GPR85: variants seen among roughly 807,000 people sequenced by gnomAD.
GPR85 encodes G protein-coupled receptor 85.
A neutral mutation model predicts 21.3 loss-of-function variants in GPR85; 7 were observed. The ratio of observed to expected loss-of-function variants is 0.33; its 90% CI spans 0.19 to 0.62. The LOEUF (loss-of-function observed/expected upper bound fraction) is 0.62. GPR85 is among the 20% of genes least tolerant of loss of function. The pLI, the probability that GPR85 is intolerant of heterozygous loss-of-function variation, is 0.80. For missense variants in GPR85, 299 were observed against 443.8 expected (o/e 0.67, Z 2.93); for synonymous variants, 167 against 166.1 (o/e 1.01, Z -0.04).
At position 113,083,925 on chromosome 7, in the gene GPR85, G is replaced by A; in HGVS notation, c.797C>T (p.Thr266Ile). 1 of 1,614,126 alleles carries A rather than the reference G, an allele frequency of 6.2e-7. No homozygotes were observed. The highest frequency in any genetic ancestry group is 8.5e-7 in the Non-Finnish European group (1 of 1,179,988). The change falls in exon 3 of 3, where the codon ACA (threonine) becomes ATA (isoleucine). Residue 266 changes from threonine (T) to isoleucine (I), a missense_variant. Transcript: ENST00000424100. This position sits in a 1 kb window ranked among gnomAD's most constrained non-coding sequence, Gnocchi z 4.4. ...LLGIRQNANTTGRRRLLVLDE... is the reference protein window; with the variant it reads ...LLGIRQNANTIGRRRLLVLDE... Reference sequence around the variant, plus strand: ...TAAGACCAATAGCCTTCTTCTGCCTGTGGTGTTTGCATTTTGCCTGATGCC... The same window carrying A: ...TAAGACCAATAGCCTTCTTCTGCCTATGGTGTTTGCATTTTGCCTGATGCC...
rs1281239863 is a variant in GPR85, at chr7:113,084,194, G to A, written c.528C>T (p.His176=). Residue 176 remains histidine, a synonymous_variant, in exon 3 of 3, where the codon CAC becomes CAT. Transcript: ENST00000424100. ...AGGAATCATTAGCCCTGAAGGAGCG[G>A]TGTTGGAAGGTGCATTGATCTTCCT... is the stretch of plus-strand genomic sequence containing the variant. ...IREEDQCTFQ[H]RSFRANDSLG... 1.5e-5 allele frequency: 24 copies of A among 1,614,090 alleles called. No homozygotes were observed. The highest frequency in any genetic ancestry group is 1.9e-5 in the Non-Finnish European group (23 of 1,179,996).
chr7:113,085,007 A>T (rs777498181), intron 2 of GPR85, 116 bp from the exon 3 acceptor site: 5 of 291,236 alleles, frequency 1.7e-5, no homozygotes, highest in Non-Finnish European at 2.6e-5. Context: ...AATTTTGAAT[A>T]CTAATATTTG....
At position 113,084,630 on chromosome 7, in the gene GPR85, A is replaced by G; in HGVS notation, c.92T>C (p.Ile31Thr). 2 of 1,613,454 alleles carry G rather than the reference A, an allele frequency of 1.2e-6. No homozygotes were observed. Among genetic ancestry groups the G allele is most frequent in the East Asian group, 2.2e-5 (1 of 44,882 alleles). The change falls in exon 3 of 3, where the codon ATA (isoleucine) becomes ACA (threonine). Residue 31 changes from isoleucine to threonine, a missense_variant. Coordinates refer to ENST00000424100, the MANE Select transcript of GPR85 (RefSeq NM_001146267.2). ...GAGGTTGCCCACCACGCTGACTCCTATTATGAAACCCAAGGAAGTCAGTTT... is the reference window on the plus strand; with the variant it reads ...GAGGTTGCCCACCACGCTGACTCCTGTTATGAAACCCAAGGAAGTCAGTTT... ...FLKLTSLGFI[I>T]GVSVVGNLLI... is the part of the protein sequence containing the mutation.
Position 113,082,423 on chromosome 7 carries a change from A to G in GPR85, c.*1186T>C, listed in dbSNP as rs1794161889. ...AGTTAAAACTGAAATAATTTAAATT[A>G]CCAATACACTGAATGTGCAGAAAGT... On this transcript the variant is annotated 3_prime_UTR_variant, in exon 3 of 3. Transcript: ENST00000424100. 6.6e-6 allele frequency: 1 copy of G among 152,608 alleles called. No homozygotes were observed. The highest frequency in any genetic ancestry group is 1.5e-5 in the Non-Finnish European group (1 of 68,022). 9.5% of individuals were successfully genotyped at this position (152,608 alleles called of 1,614,324 possible). A position where few individuals can be genotyped will look rare whatever the true frequency, so the allele number is the denominator to read the frequency against.
At position 113,086,396 on chromosome 7, in the gene GPR85, C is replaced by CTTTTTTTTTTTTTTTTCTTTTTTTT. The variant is rs1794283303; in HGVS notation, c.-364_-363insAAAAAAAAGAAAAAAAAAAAAAAAA. 2.1e-5 allele frequency: 1 copy of CTTTTTTTTTTTTTTTTCTTTTTTTT among 48,066 alleles called. No homozygotes were observed. Among genetic ancestry groups the CTTTTTTTTTTTTTTTTCTTTTTTTT allele is most frequent in the Non-Finnish European group, 3.6e-5 (1 of 28,132 alleles). The allele number at this position is 48,066 out of a possible 1,614,324, so 3.0% of individuals were successfully genotyped here. A position where few individuals can be genotyped will look rare whatever the true frequency, so the allele number is the denominator to read the frequency against. On this transcript the variant is annotated 5_prime_UTR_variant, in exon 1 of 3. An upstream open reading frame in the 5' UTR loses its in-frame stop. Coordinates refer to ENST00000424100, the MANE Select transcript of GPR85 (RefSeq NM_001146267.2). The stretch of plus-strand genomic sequence containing the variant: ...CTGATTTTTTTCTTTTTTTCTTTTT[C>CTTTTTTTTTTTTTTTTCTTTTTTTT]TTTTTTTTTTTTTTTTTTTTGTTTT...
chr7:113,083,072 C>T lies in GPR85; in HGVS notation c.*537G>A, dbSNP rs149873045. ...GGAATGCTCCCCAGAACTTACAAGG[C>T]GGTTTTTAAAGTGTGATATTCCAAT... On this transcript the variant is annotated 3_prime_UTR_variant, in exon 3 of 3. Transcript: ENST00000424100. The surrounding 1 kb of genome is among the most constrained non-coding windows in gnomAD (Gnocchi z 4.4). 4.1e-4 allele frequency: 63 copies of T among 152,922 alleles called. 1 individual carries two copies. The highest frequency in any genetic ancestry group is 6.0e-4 in the African/African-American group (25 of 41,558). 9.5% of individuals were successfully genotyped at this position (152,922 alleles called of 1,614,324 possible).
chr7:113,087,697 A>G (rs568878572), upstream of GPR85: 1 of 152,842 alleles, frequency 6.5e-6, no homozygotes, highest in African/African-American at 2.4e-5. Context: ...CTGTTAATGA[A>G]ACAAAAAATA....
chr7:113,085,322 C>T (rs1046646287), intron 2 of GPR85, among the ~76,000 whole-genome samples: 3 of 152,102 alleles, frequency 2.0e-5, no homozygotes, highest in Non-Finnish European at 2.9e-5. Flanking sequence ...CCAAAGAACC[C>T]GTGCAAAATA....
Position 113,086,417 on chromosome 7 carries a change from G to GTTTTTTTTT in GPR85, c.-385_-384insAAAAAAAAA, listed in dbSNP as rs1794296050. ...TTTTCTTTTTTTTTTTTTTTTTTTT[G>GTTTTTTTTT]TTTTTTGTTTTTTTTTTTTTTTTTT... is the stretch of plus-strand genomic sequence containing the variant. On this transcript the variant is annotated 5_prime_UTR_variant, in exon 1 of 3. Coordinates refer to ENST00000424100, the MANE Select transcript of GPR85 (RefSeq NM_001146267.2). 16 of 66,648 alleles carry GTTTTTTTTT rather than the reference G, an allele frequency of 2.4e-4. No individual in the cohort carries two copies. The highest frequency in any genetic ancestry group is 0.015 in the Middle Eastern group (1 of 68). The allele number at this position is 66,648 out of a possible 1,614,324, so 4.1% of individuals were successfully genotyped here.
Position 113,083,921 on chromosome 7 carries a change from G to A in GPR85, c.801C>T (p.Gly267=). ...CGTCTAAGACCAATAGCCTTCTTCT[G>A]CCTGTGGTGTTTGCATTTTGCCTGA... ...LGIRQNANTT[G]RRRLLVLDEF... The change falls in exon 3 of 3, where the codon GGC becomes GGT. Residue 267 remains glycine, a synonymous_variant. Transcript: ENST00000424100. The surrounding 1 kb of genome is among the most constrained non-coding windows in gnomAD (Gnocchi z 4.4). The A allele has an allele frequency of 1.2e-6, 2 of 1,614,074 alleles. No individual in the cohort carries two copies. The highest frequency in any genetic ancestry group is 2.2e-5 in the South Asian group (2 of 91,072).
At chr7:113,086,864 C>T (rs1794319496), upstream of GPR85, among the ~76,000 whole-genome samples, 1 of 151,702 alleles carries the variant, frequency 6.6e-6, no homozygotes, top group African/African-American at 2.4e-5. Flanking sequence ...CCTCAGCTTC[C>T]CGGAACCCTA....
rs1794292306 is a variant in GPR85, at chr7:113,086,408, T to TTTTTTTTG, written c.-376_-375insCAAAAAAA. 7 of 94,250 alleles carry TTTTTTTTG rather than the reference T, an allele frequency of 7.4e-5. No homozygotes were observed. Among genetic ancestry groups the TTTTTTTTG allele is most frequent in the African/African-American group, 1.8e-4 (4 of 22,244 alleles). 5.8% of individuals were successfully genotyped at this position (94,250 alleles called of 1,614,324 possible). A position where few individuals can be genotyped will look rare whatever the true frequency, so the allele number is the denominator to read the frequency against. Reference sequence around the variant, plus strand: ...TTTTTTTCTTTTTCTTTTTTTTTTTTTTTTTTTTGTTTTTTGTTTTTTTTT... The same window carrying TTTTTTTTG: ...TTTTTTTCTTTTTCTTTTTTTTTTTTTTTTTTTGTTTTTTTTGTTTTTTGTTTTTTTTT... On this transcript the variant is annotated 5_prime_UTR_variant, in exon 1 of 3. The change abolishes the stop of an existing upstream ORF in the 5' untranslated region. Coordinates refer to ENST00000424100, the MANE Select transcript of GPR85 (RefSeq NM_001146267.2).
rs1389657760 is a variant in GPR85, at chr7:113,084,609, T to C, written c.113A>G (p.Asn38Ser). The change falls in exon 3 of 3, where the codon AAC becomes AGC. Residue 38 changes from asparagine (N) to serine (S), a missense_variant. Asn to Ser is a conservative substitution (Grantham distance 46, BLOSUM62 1). Around this residue, in one of 2 missense-constraint regions of GPR85, gnomAD observed 101 missense variants for 108.4 expected, o/e 0.93. Transcript: ENST00000424100. ...GFIIGVSVVG[N>S]LLISILLVKD... ...CACTAGCAAAATGGAGATCAGGAGGTTGCCCACCACGCTGACTCCTATTAT... is the reference window on the plus strand; with the variant it reads ...CACTAGCAAAATGGAGATCAGGAGGCTGCCCACCACGCTGACTCCTATTAT... 15 of 1,613,530 alleles carry C rather than the reference T, an allele frequency of 9.3e-6. No individual in the cohort carries two copies. The highest frequency in any genetic ancestry group is 1.1e-5 in the Non-Finnish European group (13 of 1,179,606).
rs1794196373 is a variant in GPR85, at chr7:113,083,711, A to G, written c.1011T>C (p.Phe337=). 2 of 1,614,130 alleles carry G rather than the reference A, an allele frequency of 1.2e-6. No homozygotes were observed. Among genetic ancestry groups the G allele is most frequent in the Admixed American group, 1.7e-5 (1 of 60,012 alleles). ...MSFAQAGINP[F]VCIFSNRELR... ...GCTCCCTGTTTGAGAAAATGCAGAC[A>G]AAAGGATTGATTCCTGCTTGGGCAA... The change falls in exon 3 of 3, where the codon TTT becomes TTC. Residue 337 remains phenylalanine (F), a synonymous_variant. Coordinates refer to ENST00000424100, the MANE Select transcript of GPR85 (RefSeq NM_001146267.2). This position sits in a 1 kb window ranked among gnomAD's most constrained non-coding sequence, Gnocchi z 4.4.
Position 113,084,840 on chromosome 7 carries a change from G to A in GPR85, c.-119C>T. 1 of 537,930 alleles carries A rather than the reference G, an allele frequency of 1.9e-6. No individual in the cohort carries two copies. The highest frequency in any genetic ancestry group is 2.0e-5 in the African/African-American group (1 of 49,132). 33.3% of individuals were successfully genotyped at this position (537,930 alleles called of 1,614,324 possible). On this transcript the variant is annotated 5_prime_UTR_variant, in exon 3 of 3. It introduces an in-frame stop codon into an upstream open reading frame of the 5' UTR. Coordinates refer to ENST00000424100, the MANE Select transcript of GPR85 (RefSeq NM_001146267.2). Reference sequence around the variant, plus strand: ...TATAATCCACAAAGAGAACTGATCTGATCTGCAGTCATGCTTCCTCTTTTC... The same window carrying A: ...TATAATCCACAAAGAGAACTGATCTAATCTGCAGTCATGCTTCCTCTTTTC...
At position 113,084,741 on chromosome 7, in the gene GPR85, A is replaced by G; in HGVS notation, c.-20T>C. On this transcript the variant is annotated 5_prime_UTR_variant, in exon 3 of 3. Transcript: ENST00000424100. ...CGCCATAGATGGATGGAGGATAAGG[A>G]TACAGCCTCAGTCAAGTCTCATGAT... 4 of 1,581,336 alleles carry G rather than the reference A, an allele frequency of 2.5e-6. No homozygotes were observed. Among genetic ancestry groups the G allele is most frequent in the Non-Finnish European group, 3.5e-6 (4 of 1,158,144 alleles).
chr7:113,085,344 C>A (rs998908978), intron 2 of GPR85, among the ~76,000 whole-genome samples: 5 of 152,254 alleles, frequency 3.3e-5, no homozygotes, highest in African/African-American at 9.6e-5. Context: ...ATCTTAAGTG[C>A]CACTATTCAT....
rs1562996910 is a variant in GPR85 at position 113,086,426 on chromosome 7, T to TTTTTTTTTG, written c.-394_-393insCAAAAAAAA. The TTTTTTTTTG allele has an allele frequency of 5.0e-5, 5 of 99,926 alleles. No individual in the cohort carries two copies. Among genetic ancestry groups the TTTTTTTTTG allele is most frequent in the African/African-American group, 2.1e-4 (5 of 23,608 alleles). 6.2% of individuals were successfully genotyped at this position (99,926 alleles called of 1,614,324 possible). On this transcript the variant is annotated 5_prime_UTR_variant, in exon 1 of 3. Transcript: ENST00000424100. ...TTTTTTTTTTTTTTTTGTTTTTTGTTTTTTTTTTTTTTTTTTTTGCCTTAG... is the reference window on the plus strand; with the variant it reads ...TTTTTTTTTTTTTTTTGTTTTTTGTTTTTTTTTTGTTTTTTTTTTTTTTTTTTGCCTTAG...
Position 113,082,990 on chromosome 7 carries a change from A to G in GPR85, c.*619T>C, listed in dbSNP as rs1794176752. ...TAGATGAGGAAAGTGGTATTTAGAAATAGCAATGTATTAATACAAAAAAAG... is the reference window on the plus strand; with the variant it reads ...TAGATGAGGAAAGTGGTATTTAGAAGTAGCAATGTATTAATACAAAAAAAG... On this transcript the variant is annotated 3_prime_UTR_variant, in exon 3 of 3. Coordinates refer to ENST00000424100, the MANE Select transcript of GPR85 (RefSeq NM_001146267.2). 6.6e-6 allele frequency: 1 copy of G among 152,640 alleles called. No homozygotes were observed. The highest frequency in any genetic ancestry group is 2.4e-5 in the African/African-American group (1 of 41,456). 9.5% of individuals were successfully genotyped at this position (152,640 alleles called of 1,614,324 possible).
Sources: allele counts gnomAD v4.1 joint callset (sites outside exome capture counted in the v4.1 genomes callset), GRCh38; gene constraint gnomAD v4.1.1; regional missense constraint gnomAD v4.1.1; non-coding constraint Gnocchi (gnomAD v3.1); transcripts MANE v1.5; gene names NCBI Gene and HGNC (gene_info 2026-07-23, HGNC 2026-07-21).